FLNA: variants seen among roughly 807,000 people sequenced by gnomAD.
FLNA encodes the protein filamin-A.
Under a neutral mutation model 157.6 loss-of-function variants are expected in FLNA, and 7 were observed. That is an observed-to-expected ratio of 0.04 (90% confidence interval 0.03 to 0.08). FLNA has a LOEUF of 0.08. Ranked by LOEUF, FLNA falls within the 10% of genes least tolerant of loss-of-function variation. The pLI is 1.00. For missense variants in FLNA, 1,750 were observed against 2,398.4 expected (o/e 0.73, Z 5.65); for synonymous variants, 1,103 against 1,060.8 (o/e 1.04, Z -0.77).
At position 154,366,484 on chromosome X, in the gene FLNA, G is replaced by C. The variant is rs782291003; in HGVS notation, c.1066-14C>G. 2.5e-6 allele frequency: 3 copies of C among 1,210,153 alleles called. No homozygotes were observed. The highest frequency in any genetic ancestry group is 5.9e-5 in the East Asian group (2 of 33,768). ...GAGCACAGTAACCTGTCCCCAGAAG[G>C]GTGGGCCGTGAGGGTAGGGCTGGGG... On this transcript the variant is annotated splice_polypyrimidine_tract_variant and intron_variant, in intron 7 of 47. Coordinates refer to ENST00000369850, the MANE Select transcript of FLNA (RefSeq NM_001110556.2).
rs781802209 is a variant in FLNA at position 154,353,087 on chromosome X, G to C, written c.6140C>G (p.Ala2047Gly). 7.4e-6 allele frequency: 9 copies of C among 1,211,665 alleles called. No individual in the cohort carries two copies. The South Asian group carries it at 1.6e-4, about 21-fold the overall frequency. The change falls in exon 38 of 48, where the codon GCC becomes GGC. Residue 2047 changes from alanine to glycine, a missense_variant. This residue lies in a region of FLNA where 970 missense variants were observed against 1,302.6 expected (regional missense o/e 0.74). Coordinates refer to ENST00000369850, the MANE Select transcript of FLNA (RefSeq NM_001110556.2). ...CTGACCAGAGACCCGAACACGACTG[G>C]CATCCCCAATTTCCGACTGGCTGAT... ...VVISQSEIGD[A>G]SRVRVSGQGL...
chrX:154,351,099 G>A (rs1037668708), intron 43 of FLNA, 58 bp from the exon 44 acceptor site: 30 of 1,177,780 alleles, frequency 2.5e-5, no homozygotes, highest in East Asian at 1.5e-4. Context: ...AAGGGAGGAC[G>A]GAAAGGCCCC....
chrX:154,365,176 T>C lies in FLNA; in HGVS notation c.1651A>G (p.Ile551Val), dbSNP rs1365905984. The C allele has an allele frequency of 2.5e-6, 3 of 1,210,010 alleles. No homozygotes were observed. Among genetic ancestry groups the C allele is most frequent in the South Asian group, 1.8e-5 (1 of 56,893 alleles). ...EYYPMVPGTYIVTITWGGQNI... is the reference protein window; with the variant it reads ...EYYPMVPGTYVVTITWGGQNI... The stretch of plus-strand genomic sequence containing the variant: ...TGACCACCCCACGTGATGGTGACGA[T>C]ATAGGTTCCAGGGACCATGGGGTAA... Residue 551 changes from isoleucine to valine, a missense_variant, in exon 11 of 48, where the codon ATC (isoleucine) becomes GTC (valine). By Grantham distance (29) the Ile-to-Val change is conservative. Coordinates refer to ENST00000369850, the MANE Select transcript of FLNA (RefSeq NM_001110556.2).
intron 1 of FLNA, among the ~76,000 whole-genome samples, chrX:154,371,611 G>A (rs1392911596): frequency 8.8e-6 from 1 of 113,316 alleles, no homozygotes; most frequent in African/African-American, 3.2e-5. Context: ...GGCGCTGCAG[G>A]AAACGCGCCC....
chrX:154,349,131 G>A (rs1029457287), intron 47 of FLNA, 95 bp from the exon 48 acceptor site: 7 of 939,937 alleles, frequency 7.4e-6, no homozygotes, highest in Middle Eastern at 3.8e-4. Flanking sequence ...GTTCTGGGGT[G>A]ACAGTTCTCT....
Position 154,354,949 on chromosome X carries a change from A to ACATCCACCTCTGAGCCAT in FLNA, c.5075_5092dup (p.Asp1692_Asp1697dup), listed in dbSNP as rs781960834. 2 of 1,212,131 alleles carry ACATCCACCTCTGAGCCAT rather than the reference A, an allele frequency of 1.6e-6. No homozygotes were observed. The highest frequency in any genetic ancestry group is 4.3e-5 in the Admixed American group (2 of 46,180). ...GCCGTCCTCATTCTCCACCACGTCCACATCCACCTCTGAGCCATCAGGCGT... is the reference window on the plus strand; with the variant it reads ...GCCGTCCTCATTCTCCACCACGTCCACATCCACCTCTGAGCCATCATCCACCTCTGAGCCATCAGGCGT... On this transcript the variant is annotated inframe_insertion, in exon 31 of 48. Coordinates refer to ENST00000369850, the MANE Select transcript of FLNA (RefSeq NM_001110556.2).
Position 154,371,330 on chromosome X carries a change from C to T in FLNA, c.-85G>A. The T allele has an allele frequency of 6.4e-6, 7 of 1,097,888 alleles. No homozygotes were observed. Among genetic ancestry groups the T allele is most frequent in the Non-Finnish European group, 7.3e-6 (6 of 821,568 alleles). 90.5% of individuals were successfully genotyped at this position (1,097,888 alleles called of 1,213,427 possible). A position where few individuals can be genotyped will look rare whatever the true frequency, so the allele number is the denominator to read the frequency against. ...AATTAAAGTCGCAGGCACCTAGGCG[C>T]GCGGGAGGCGAGGCAGGGAGCAGAG... is the stretch of plus-strand genomic sequence containing the variant. On this transcript the variant is annotated 5_prime_UTR_variant, in exon 2 of 48. Transcript: ENST00000369850.
chrX:154,368,261 A>G (rs2067778231), intron 2 of FLNA, among the ~76,000 whole-genome samples, 171 bp from the exon 3 acceptor site: 1 of 111,213 alleles, frequency 9.0e-6, no homozygotes, highest in Admixed American at 9.5e-5. Context: ...CCAGGGTCCC[A>G]GGGGGTGTTC....
At position 154,363,433 on chromosome X, in the gene FLNA, G is replaced by T. The variant is rs2067728841; in HGVS notation, c.2280+589C>A. Among the ~76,000 whole-genome samples the T allele has an allele frequency of 2.8e-5, 3 of 107,747 alleles. No homozygotes were observed. In the South Asian group the frequency reaches 1.2e-3, roughly 44 times the overall value. The allele number at this position is 107,747 out of a possible 115,157, so 93.6% of individuals were successfully genotyped here. A position where few individuals can be genotyped will look rare whatever the true frequency, so the allele number is the denominator to read the frequency against. ...ACTCCGGCTCAAAAAAAAAAAACCA[G>T]GATGGGCGCGGTGGCTCATGCCTGT... On this transcript the variant is annotated intron_variant, in intron 15 of 47. Transcript: ENST00000369850.
rs782656558 is a variant in FLNA, at chrX:154,354,323, C to T, written c.5417-32G>A. 5.8e-6 allele frequency: 7 copies of T among 1,210,831 alleles called. No individual in the cohort carries two copies. The East Asian group carries it at 1.8e-4, about 31-fold the overall frequency. Reference sequence around the variant, plus strand: ...GGCAGTGGGGCTGAGGTCAGGGCAGCTCATTGGCACAGTCTGGCCTCCTTG... The same window carrying T: ...GGCAGTGGGGCTGAGGTCAGGGCAGTTCATTGGCACAGTCTGGCCTCCTTG... On this transcript the variant is annotated intron_variant, in intron 33 of 47. Transcript: ENST00000369850.
At chrX:154,363,806 C>T (rs1426897298) in intron 15 of FLNA, among the ~76,000 whole-genome samples, 3 of 112,054 alleles carry the variant, frequency 2.7e-5, no homozygotes, top group Non-Finnish European at 3.8e-5. Flanking sequence ...TCGTGGTGAG[C>T]GAAAGAAGCC....
rs1276647740 is a variant in FLNA, at chrX:154,352,015, A to C, written c.6776T>G (p.Phe2259Cys). Reference sequence around the variant, plus strand: ...ACCAGCTTCCCGGGTCCAGATACTGAATTCGGCTGTGGGAGAACAGTTTGT... The same window carrying C: ...ACCAGCTTCCCGGGTCCAGATACTGCATTCGGCTGTGGGAGAACAGTTTGT... ...ERAEAGVPAE[F>C]SIWTREAGAG... is the part of the protein sequence containing the mutation. The change falls in exon 42 of 48, where the codon TTC becomes TGC. Residue 2259 changes from phenylalanine to cysteine, a missense_variant. Phe to Cys is a radical substitution (Grantham distance 205, BLOSUM62 -2). Transcript: ENST00000369850. 1 of 1,210,349 alleles carries C rather than the reference A, an allele frequency of 8.3e-7. No homozygotes were observed. Among genetic ancestry groups the C allele is most frequent in the Non-Finnish European group, 1.1e-6 (1 of 895,362 alleles).
rs1557175360 is a variant in FLNA, at chrX:154,349,712, T to A, written c.7489A>T (p.Ile2497Phe). ...TAGGGGCCGCCGTACTTGATGGAGA[T>A]GAGGTAGCTGCCAGGTGCCATGGGG... Reference protein sequence around the residue: ...YTPMAPGSYLISIKYGGPYHI... With the variant: ...YTPMAPGSYLFSIKYGGPYHI... Residue 2497 changes from isoleucine to phenylalanine, a missense_variant, in exon 46 of 48, where the codon ATC becomes TTC. Ile to Phe is a conservative substitution (Grantham distance 21). Coordinates refer to ENST00000369850, the MANE Select transcript of FLNA (RefSeq NM_001110556.2). 5.0e-6 allele frequency: 6 copies of A among 1,210,522 alleles called. No homozygotes were observed.
In FLNA at chrX:154,357,607, G is replaced by A. The variant is rs372729831; in HGVS notation, c.4772C>T (p.Pro1591Leu). 9.1e-6 allele frequency: 11 copies of A among 1,211,567 alleles called. No individual in the cohort carries two copies. The highest frequency in any genetic ancestry group is 5.9e-5 in the East Asian group (2 of 33,820). ...GTTGTCTTGGATGTGTGTCTTCTTC[G>A]GCTTGCCTTCGGGATCCTGTGTGGC... ...AVQITDPEGK[P>L]KKTHIQDNHD... The change falls in exon 29 of 48, where the codon CCG becomes CTG. Residue 1591 changes from proline (P) to leucine (L), a missense_variant. Pro to Leu is a moderately conservative substitution (Grantham distance 98). Transcript: ENST00000369850.
Position 154,350,928 on chromosome X carries a change from A to G in FLNA, c.7137T>C (p.Tyr2379=). 8.3e-7 allele frequency: 1 copy of G among 1,211,545 alleles called. No homozygotes were observed. The highest frequency in any genetic ancestry group is 1.1e-6 in the Non-Finnish European group (1 of 895,151). ...CCTCACCTTGGTCAATTTCTGTGAC[A>G]TAGCACTCCTCCAGGGCTCCTGAGG... The part of the protein sequence containing the change: ...HSPSGALEEC[Y]VTEIDQDKYA... The change falls in exon 44 of 48, where the codon TAT becomes TAC. Residue 2379 remains tyrosine (Y), a synonymous_variant. Transcript: ENST00000369850.
At chrX:154,371,476 C>T in intron 1 of FLNA, 115 bp from the exon 2 acceptor site, 2 of 415,560 alleles carry the variant, frequency 4.8e-6, no homozygotes, top group Admixed American at 8.8e-5. Context: ...CCACCCCGCC[C>T]CGCCCGTTGG....
rs1557176077 is a variant in FLNA, at chrX:154,352,930, G to A, written c.6227-6C>T. 5 of 1,211,737 alleles carry A rather than the reference G, an allele frequency of 4.1e-6. No homozygotes were observed. Among genetic ancestry groups the A allele is most frequent in the Non-Finnish European group, 5.6e-6 (5 of 895,463 alleles). On this transcript the variant is annotated splice_polypyrimidine_tract_variant and splice_region_variant and intron_variant, in intron 38 of 47. Transcript: ENST00000369850. The stretch of plus-strand genomic sequence containing the variant: ...CAGGCTGAGCCCACCATAGCCTAGG[G>A]GATGGATACCCCTGAGCCTCGGTGC...
chrX:154,362,092 C>T lies in FLNA; in HGVS notation c.2713G>A (p.Gly905Ser). ...FTVNAKAAGK[G>S]KLDVQFSGLT... is the part of the protein sequence containing the mutation. ...CCTGAGAACTGGACGTCCAGCTTGCCTTTGCCAGCAGCTTTGGCATTTACT... is the reference window on the plus strand; with the variant it reads ...CCTGAGAACTGGACGTCCAGCTTGCTTTTGCCAGCAGCTTTGGCATTTACT... The change falls in exon 19 of 48, where the codon GGC becomes AGC. Residue 905 changes from glycine to serine, a missense_variant. Coordinates refer to ENST00000369850, the MANE Select transcript of FLNA (RefSeq NM_001110556.2). The T allele has an allele frequency of 1.7e-6, 2 of 1,211,713 alleles. No individual in the cohort carries two copies. Among genetic ancestry groups the T allele is most frequent in the Non-Finnish European group, 2.2e-6 (2 of 895,367 alleles).
At chrX:154,370,740 G>A in intron 2 of FLNA, 133 bp downstream of exon 2, 1 of 724,704 alleles carries the variant, frequency 1.4e-6, no homozygotes, top group East Asian at 3.5e-5. Context: ...CCCGCGTGGA[G>A]CAGAGCAGCC....
Sources: allele counts gnomAD v4.1 joint callset (sites outside exome capture counted in the v4.1 genomes callset), GRCh38; gene constraint gnomAD v4.1.1; regional missense constraint gnomAD v4.1.1; transcripts MANE v1.5; gene names NCBI Gene and HGNC (gene_info 2026-07-23, HGNC 2026-07-21).